The following GPALPP1 variants were observed in gnomAD, a reference collection of about 807,000 sequenced individuals.
The protein encoded by GPALPP1 is GPALPP motifs containing 1.
Under a neutral mutation model 38.9 loss-of-function variants are expected in GPALPP1, and 30 were observed. That is an observed-to-expected ratio of 0.77 (90% CI 0.58 to 1.05). The LOEUF is 1.05. Ranked by LOEUF, GPALPP1 falls within the 50% of genes least tolerant of loss-of-function variation. The probability of loss-of-function intolerance (pLI) is 0.00; values close to 1 mark genes in which losing one functional copy is unlikely to be tolerated. For synonymous variants in GPALPP1, 120 were observed against 139.2 expected (o/e 0.86, Z 0.97); for missense variants, 384 against 408.8 (o/e 0.94, Z 0.52).
In GPALPP1 at chr13:45,004,345, T is replaced by C; in HGVS notation, c.129T>C (p.Ser43=). 6.2e-7 allele frequency: 1 copy of C among 1,610,328 alleles called. No individual in the cohort carries two copies. Among genetic ancestry groups the C allele is most frequent in the Non-Finnish European group, 8.5e-7 (1 of 1,176,644 alleles). The change falls in exon 2 of 8, where the codon AGT becomes AGC. Residue 43 remains serine, a synonymous_variant. Coordinates refer to ENST00000379151, the MANE Select transcript of GPALPP1 (RefSeq NM_018559.5). ...PALPPNYKSS[S]SDSSDSDEDS... The stretch of plus-strand genomic sequence containing the variant: ...TGCCCCCTAATTATAAAAGCAGTAG[T>C]TCAGATTCATCAGACAGCGATGAAG...
In GPALPP1 at chr13:44,989,564, C is replaced by G. The variant is rs1872600495; in HGVS notation, c.-91C>G. The G allele has an allele frequency of 2.0e-6, 3 of 1,480,734 alleles. No homozygotes were observed. Among genetic ancestry groups the G allele is most frequent in the Non-Finnish European group, 2.8e-6 (3 of 1,066,964 alleles). The allele number at this position is 1,480,734 out of a possible 1,614,324, so 91.7% of individuals were successfully genotyped here. On this transcript the variant is annotated 5_prime_UTR_variant, in exon 1 of 8. Coordinates refer to ENST00000379151, the MANE Select transcript of GPALPP1 (RefSeq NM_018559.5). ...TCATTTCTCGGCGCCGGGAAACCTG[C>G]CATTCTTCGCTGCTGATCGCGGGAT...
Position 45,014,956 on chromosome 13 carries a change from CAG to C in GPALPP1, c.415_416del (p.Asp139GlnfsTer3). 1 of 1,583,124 alleles carries C rather than the reference CAG, an allele frequency of 6.3e-7. No homozygotes were observed. The highest frequency in any genetic ancestry group is 8.6e-7 in the Non-Finnish European group (1 of 1,164,818). On this transcript the variant is annotated frameshift_variant, in exon 5 of 8. Transcript: ENST00000379151. LOFTEE classifies it high-confidence loss of function. ...GGTAATGTCTTGTTTTAAAAGGAAA[CAG>C]ACAGCAGTGAAGATGAGGATATTAT... is the stretch of plus-strand genomic sequence containing the variant.
rs544726926 is a variant in GPALPP1, at chr13:45,028,765, A to C, written c.*762A>C. ...AGTGAGACCTCGTCTCTTTAGAAAAAAAAAAAGAGGCCAGTGGCTCACACC... is the reference window on the plus strand; with the variant it reads ...AGTGAGACCTCGTCTCTTTAGAAAACAAAAAAGAGGCCAGTGGCTCACACC... On this transcript the variant is annotated 3_prime_UTR_variant, in exon 8 of 8. Transcript: ENST00000379151. The C allele has an allele frequency of 2.0e-5, 3 of 151,690 alleles. No individual in the cohort carries two copies. Among genetic ancestry groups the C allele is most frequent in the Non-Finnish European group, 4.4e-5 (3 of 68,004 alleles). 9.4% of individuals were successfully genotyped at this position (151,690 alleles called of 1,614,324 possible).
At chr13:45,006,449 G>T in intron 3 of GPALPP1, 146 bp downstream of exon 3, 1 of 516,702 alleles carries the variant, frequency 1.9e-6, no homozygotes, top group African/African-American at 1.9e-5. Flanking sequence ...AGGAAAAGAA[G>T]TTGTTTCCTA....
chr13:45,013,939 G>C (rs1180885707), intron 4 of GPALPP1, among the ~76,000 whole-genome samples: 2 of 151,956 alleles, frequency 1.3e-5, no homozygotes, highest in Non-Finnish European at 2.9e-5. Flanking sequence ...ATAGGAATTG[G>C]GCATATTCTG....
At chr13:44,990,580 GA>G (rs1425234476) in intron 1 of GPALPP1, among the ~76,000 whole-genome samples, 1 of 152,084 alleles carries the variant, frequency 6.6e-6, no homozygotes, top group Non-Finnish European at 1.5e-5. Flanking sequence ...TGGTATATAC[GA>G]AACGAATGCT....
Position 45,006,051 on chromosome 13 carries a change from A to G in GPALPP1, c.222-151A>G, listed in dbSNP as rs576408009. 2.0e-3 allele frequency: 1,052 copies of G among 531,160 alleles called. 3 individuals are homozygous for G. The highest frequency in any genetic ancestry group is 9.8e-3 in the South Asian group (328 of 33,574). The allele number at this position is 531,160 out of a possible 1,614,324, so 32.9% of individuals were successfully genotyped here. A position where few individuals can be genotyped will look rare whatever the true frequency, so the allele number is the denominator to read the frequency against. Reference sequence around the variant, plus strand: ...AAAAAATAAAAAAAAAAAAAGAACTATCGTAGTATCCAGTTTTTATTTGGC... The same window carrying G: ...AAAAAATAAAAAAAAAAAAAGAACTGTCGTAGTATCCAGTTTTTATTTGGC... On this transcript the variant is annotated intron_variant, in intron 2 of 7. Transcript: ENST00000379151.
At position 45,014,977 on chromosome 13, in the gene GPALPP1, A is replaced by ATAT; in HGVS notation, c.439_441dup (p.Ile147dup). The ATAT allele has an allele frequency of 6.2e-7, 1 of 1,606,922 alleles. No individual in the cohort carries two copies. The highest frequency in any genetic ancestry group is 8.5e-7 in the Non-Finnish European group (1 of 1,175,458). ...GAAACAGACAGCAGTGAAGATGAGG[A>ATAT]TATTATTGGACCAATGCCTGCAAAA... On this transcript the variant is annotated inframe_insertion, in exon 5 of 8. Transcript: ENST00000379151.
chr13:45,008,673 TTAAA>T (rs1357193172), intron 3 of GPALPP1, 118 bp from the exon 4 acceptor site: 6 of 596,352 alleles, frequency 1.0e-5, no homozygotes, highest in South Asian at 9.2e-5. Flanking sequence ...AAATAAAGTG[TTAAA>T]TAAAATTCTT....
intron 1 of GPALPP1, chr13:45,002,589 A>G (rs1255423053): frequency 1.3e-5 from 2 of 152,254 alleles, no homozygotes; most frequent in African/African-American, 4.8e-5. Flanking sequence ...TAATCTTCAC[A>G]ACAGTCCTGT....
intron 5 of GPALPP1, 56 bp downstream of exon 5, chr13:45,015,139 T>G: frequency 8.5e-7 from 1 of 1,178,756 alleles, no homozygotes; most frequent in Non-Finnish European, 1.2e-6. Flanking sequence ...ATCTAAATTT[T>G]AGAAATAAAC....
intron 1 of GPALPP1, among the ~76,000 whole-genome samples, chr13:44,998,204 T>C (rs1275084155): frequency 6.6e-6 from 1 of 152,198 alleles, no homozygotes; most frequent in East Asian, 1.9e-4. Context: ...ATAGAAGAGG[T>C]ATACTGCTTC....
intron 1 of GPALPP1, among the ~76,000 whole-genome samples, chr13:44,994,168 T>C (rs1162124974): frequency 7.7e-6 from 1 of 129,366 alleles, no homozygotes; most frequent in Non-Finnish European, 1.6e-5. Context: ...TAGTAAGCTA[T>C]GATCATGCCA....
At chr13:44,989,887 A>C in intron 1 of GPALPP1, 145 bp downstream of exon 1, 1 of 622,420 alleles carries the variant, frequency 1.6e-6, no homozygotes, top group Non-Finnish European at 2.8e-6. Flanking sequence ...TTCTCTTCCC[A>C]AACAGTAGCA....
chr13:45,022,995 C>T lies in GPALPP1; in HGVS notation c.804+2567C>T, dbSNP rs147417792. Among the ~76,000 whole-genome samples, 390 of 152,246 alleles carry T rather than the reference C, an allele frequency of 2.6e-3. 5 individuals carry two copies. Among genetic ancestry groups the T allele is most frequent in the Middle Eastern group, 0.014 (4 of 294 alleles). On this transcript the variant is annotated intron_variant, in intron 7 of 7. Coordinates refer to ENST00000379151, the MANE Select transcript of GPALPP1 (RefSeq NM_018559.5). The stretch of plus-strand genomic sequence containing the variant: ...GTTTGAGGTTACAGTGAGCTATGAC[C>T]ACACCACTGCACTCCAGTGCAGGGT...
intron 7 of GPALPP1, among the ~76,000 whole-genome samples, chr13:45,026,811 C>G (rs1830012639): frequency 6.6e-6 from 1 of 152,124 alleles, no homozygotes; most frequent in Non-Finnish European, 1.5e-5. Flanking sequence ...TTTACAGTTT[C>G]TTGATTAAAG....
At chr13:45,000,741 T>C (rs1040428746) in intron 1 of GPALPP1, among the ~76,000 whole-genome samples, 3 of 152,170 alleles carry the variant, frequency 2.0e-5, no homozygotes, top group Admixed American at 2.0e-4. Flanking sequence ...AGAGGTCACA[T>C]ATAGTCTCTA....
chr13:44,989,794 C>T, intron 1 of GPALPP1, 52 bp downstream of exon 1: 1 of 1,373,260 alleles, frequency 7.3e-7, no homozygotes, highest in Non-Finnish European at 1.0e-6. Flanking sequence ...CACTCCCTGG[C>T]CGGGCCCTGC....
intron 4 of GPALPP1, among the ~76,000 whole-genome samples, chr13:45,010,781 C>A (rs751600825): frequency 1.3e-5 from 2 of 152,132 alleles, no homozygotes; most frequent in Non-Finnish European, 2.9e-5. Flanking sequence ...CTCAGGAGTT[C>A]AAGACCACCC....
Sources: allele counts gnomAD v4.1 joint callset (sites outside exome capture counted in the v4.1 genomes callset), GRCh38; gene constraint gnomAD v4.1.1; transcripts MANE v1.5; gene names NCBI Gene and HGNC (gene_info 2026-07-23, HGNC 2026-07-21).